The following GABRB3 variants were observed in gnomAD, a reference collection of about 807,000 sequenced individuals.
The protein encoded by GABRB3 is gamma-aminobutyric acid type A receptor subunit beta3, also known as gamma-aminobutyric acid receptor subunit beta-3.
A neutral mutation model predicts 52.1 loss-of-function variants in GABRB3; 14 were observed. The ratio of observed to expected loss-of-function variants is 0.27; its 90% CI spans 0.18 to 0.42. The LOEUF is 0.42. Among genes scored for constraint, GABRB3 ranks in the 10% least tolerant of loss-of-function variants. GABRB3 has a pLI of 1.00. For synonymous variants in GABRB3, 260 were observed against 232.3 expected (o/e 1.12, Z -1.08); for missense variants, 307 against 609.1 (o/e 0.50, Z 5.22).
chr15:26,728,614 T>C (rs1889832266), intron 3 of GABRB3, among the ~76,000 whole-genome samples: 1 of 152,210 alleles, frequency 6.6e-6, no homozygotes, highest in Non-Finnish European at 1.5e-5. Context: ...ATATTCATAA[T>C]GGAGAGATAC....
intron 3 of GABRB3, among the ~76,000 whole-genome samples, chr15:26,633,113 T>C (rs1311527608): frequency 6.6e-6 from 1 of 152,202 alleles, no homozygotes; most frequent in Non-Finnish European, 1.5e-5. Context: ...TGGAGCAGGC[T>C]TCACCCTTTG....
rs757824072 is a variant in GABRB3, at chr15:26,547,671, C to T, written c.*122G>A. On this transcript the variant is annotated 3_prime_UTR_variant, in exon 9 of 9. Coordinates refer to ENST00000311550, the MANE Select transcript of GABRB3 (RefSeq NM_000814.6). ...GAAAGTTCACATATATATACAATTG[C>T]GTATGTATATATGTGTGTGTCTGCT... is the stretch of plus-strand genomic sequence containing the variant. The T allele has an allele frequency of 1.1e-5, 8 of 720,936 alleles. No homozygotes were observed. The highest frequency in any genetic ancestry group is 2.2e-5 in the Admixed American group (1 of 46,030). The allele number at this position is 720,936 out of a possible 1,614,324, so 44.7% of individuals were successfully genotyped here. A position where few individuals can be genotyped will look rare whatever the true frequency, so the allele number is the denominator to read the frequency against.
intron 4 of GABRB3, among the ~76,000 whole-genome samples, chr15:26,607,791 T>C (rs999318312): frequency 6.6e-6 from 1 of 151,978 alleles, no homozygotes; most frequent in Non-Finnish European, 1.5e-5. Context: ...GAAAGACCTG[T>C]ACACTGCAAA....
chr15:26,670,218 G>C (rs1335967406), intron 3 of GABRB3, among the ~76,000 whole-genome samples: 9 of 152,220 alleles, frequency 5.9e-5, no homozygotes, highest in Admixed American at 5.9e-4. Flanking sequence ...GCGAGCGGGA[G>C]GGAGGCCAGG....
rs191175223 is a variant in GABRB3, at chr15:26,745,419, G to A, written c.240+26983C>T. On this transcript the variant is annotated intron_variant, in intron 3 of 8. Transcript: ENST00000311550. ...TAACTATAGTACAATATCAAAACCAGGAAAGTGATATGGTACAATCCACGA... is the reference window on the plus strand; with the variant it reads ...TAACTATAGTACAATATCAAAACCAAGAAAGTGATATGGTACAATCCACGA... Among the ~76,000 whole-genome samples the A allele has an allele frequency of 2.6e-5, 4 of 152,282 alleles. No individual in the cohort carries two copies. In the South Asian group the frequency reaches 8.3e-4, roughly 32 times the overall value.
intron 8 of GABRB3, among the ~76,000 whole-genome samples, chr15:26,560,419 GC>G (rs1329403964): frequency 6.6e-6 from 1 of 152,128 alleles, no homozygotes; most frequent in African/African-American, 2.4e-5. Context: ...AGATTAACCA[GC>G]CCCAGTCCAA....
chr15:26,740,302 A>AG (rs1890168081), intron 3 of GABRB3, among the ~76,000 whole-genome samples: 1 of 152,166 alleles, frequency 6.6e-6, no homozygotes, highest in Non-Finnish European at 1.5e-5. Context: ...AAGTGAATGC[A>AG]GGGCTCAGGG....
intron 3 of GABRB3, among the ~76,000 whole-genome samples, chr15:26,750,810 A>G (rs1165839568): frequency 6.6e-6 from 1 of 152,226 alleles, no homozygotes; most frequent in Non-Finnish European, 1.5e-5. Flanking sequence ...GAAGAAGTCA[A>G]GGCAATGCTG....
chr15:26,713,126 A>G (rs920230201), intron 3 of GABRB3, among the ~76,000 whole-genome samples: 1 of 152,162 alleles, frequency 6.6e-6, no homozygotes, highest in Non-Finnish European at 1.5e-5. Context: ...AGGACGAGGA[A>G]ACGGTCGGGG....
At chr15:26,597,151 G>A (rs1213800583) in intron 4 of GABRB3, among the ~76,000 whole-genome samples, 1 of 152,124 alleles carries the variant, frequency 6.6e-6, no homozygotes, top group African/African-American at 2.4e-5. Flanking sequence ...ACCTCTCCAT[G>A]CTGCCACACT....
chr15:26,560,864 CATGCAAGTAA>C, intron 8 of GABRB3, 58 bp downstream of exon 8: 1 of 1,605,652 alleles, frequency 6.2e-7, no homozygotes, highest in Non-Finnish European at 8.5e-7. Context: ...AAAGAAATAT[CATGCAAGTAA>C]ATGCAGTAGC....
intron 3 of GABRB3, among the ~76,000 whole-genome samples, chr15:26,743,557 T>C (rs538692683): frequency 2.3e-4 from 35 of 152,324 alleles, no homozygotes; most frequent in African/African-American, 8.4e-4. Flanking sequence ...AGCTAAGTGT[T>C]CACATAAAGG....
At chr15:26,636,120 T>C (rs1893053467) in intron 3 of GABRB3, among the ~76,000 whole-genome samples, 1 of 152,236 alleles carries the variant, frequency 6.6e-6, no homozygotes, top group Non-Finnish European at 1.5e-5. Context: ...GCAGGTTTCA[T>C]ACACCCAATC....
At chr15:26,700,654 CT>C (rs1393391754) in intron 3 of GABRB3, among the ~76,000 whole-genome samples, 4 of 152,114 alleles carry the variant, frequency 2.6e-5, no homozygotes, top group African/African-American at 9.7e-5. Context: ...GAAAGTTTAA[CT>C]TTTTTTAAGT....
At chr15:26,754,646 C>T (rs1890607686) in intron 3 of GABRB3, among the ~76,000 whole-genome samples, 1 of 152,028 alleles carries the variant, frequency 6.6e-6, no homozygotes, top group South Asian at 2.1e-4. Context: ...AAACAGTCTC[C>T]GAAAATGTTA....
intron 4 of GABRB3, among the ~76,000 whole-genome samples, chr15:26,585,719 T>G (rs1051237625): frequency 6.6e-6 from 1 of 152,224 alleles, no homozygotes; most frequent in Non-Finnish European, 1.5e-5. Flanking sequence ...ACACTTCCCC[T>G]TATCCATGGA....
intron 8 of GABRB3, among the ~76,000 whole-genome samples, chr15:26,549,500 G>T (rs944834694): frequency 2.6e-4 from 40 of 152,112 alleles, no homozygotes; most frequent in African/African-American, 9.2e-4. Context: ...AAAGTGAGGT[G>T]GTCATCAGGG....
At chr15:26,595,481 G>C (rs1891364932) in intron 4 of GABRB3, among the ~76,000 whole-genome samples, 1 of 152,122 alleles carries the variant, frequency 6.6e-6, no homozygotes, top group African/African-American at 2.4e-5. Context: ...CTTTTTTCTT[G>C]ATTGGGCATT....
chr15:26,642,281 A>G (rs1268217148), intron 3 of GABRB3, among the ~76,000 whole-genome samples: 3 of 152,160 alleles, frequency 2.0e-5, no homozygotes, highest in African/African-American at 7.2e-5. Context: ...TAGAGGATCA[A>G]CTTTTCGTGT....
Sources: allele counts gnomAD v4.1 joint callset (sites outside exome capture counted in the v4.1 genomes callset), GRCh38; gene constraint gnomAD v4.1.1; transcripts MANE v1.5; gene names NCBI Gene and HGNC (gene_info 2026-07-23, HGNC 2026-07-21).